PTPRT: variants seen among roughly 807,000 people sequenced by gnomAD.
PTPRT encodes the protein protein tyrosine phosphatase receptor type T.
In PTPRT, 56 loss-of-function variants were observed where a neutral mutation model predicts 176.8. The ratio of observed to expected loss-of-function variants is 0.32; its 90% confidence interval spans 0.26 to 0.40. The LOEUF is 0.40. PTPRT is among the 10% of genes least tolerant of loss of function. PTPRT has a pLI of 1.00. For missense variants in PTPRT, 1,540 were observed against 1,908.2 expected (o/e 0.81, Z 3.60); for synonymous variants, 783 against 739.0 (o/e 1.06, Z -0.96).
intron 1 of PTPRT, among the ~76,000 whole-genome samples, chr20:42,976,296 A>G (rs962338173): frequency 3.3e-5 from 5 of 152,350 alleles, no homozygotes; most frequent in Middle Eastern, 6.8e-3. Context: ...ACCTAACTGT[A>G]TAAGTTTAAT....
intron 1 of PTPRT, among the ~76,000 whole-genome samples, chr20:43,009,836 C>T (rs975292426): frequency 9.2e-5 from 14 of 152,168 alleles, no homozygotes; most frequent in African/African-American, 3.4e-4. Context: ...CTTCAGTACT[C>T]TTTATTTCAG....
Position 42,499,242 on chromosome 20 carries a change from G to A in PTPRT, c.1154-26680C>T, listed in dbSNP as rs535945970. On this transcript the variant is annotated intron_variant, in intron 7 of 30. Coordinates refer to ENST00000373187, the MANE Select transcript of PTPRT (RefSeq NM_007050.6). ...CTTTATATTTGCTTACATTTCTCTC[G>A]ACTGCAAATGGTGCCATGTACAGTC... Among the ~76,000 whole-genome samples, 32 of 151,118 alleles carry A rather than the reference G, an allele frequency of 2.1e-4. 1 individual carries two copies. The highest frequency in any genetic ancestry group is 4.6e-4 in the Admixed American group (7 of 15,198).
At chr20:43,021,714 A>C (rs206155) in intron 1 of PTPRT, among the ~76,000 whole-genome samples, 121,021 of 151,844 alleles carry the variant, frequency 0.8, 48,427 homozygotes, top group South Asian at 0.91. Context: ...AGGTGTAAAT[A>C]TTAACACCTG....
chr20:42,789,217 A>G (rs896914445), intron 3 of PTPRT, among the ~76,000 whole-genome samples: 8 of 152,228 alleles, frequency 5.3e-5, no homozygotes, highest in African/African-American at 1.9e-4. Flanking sequence ...ACATCTCACT[A>G]ATAATTGTTT....
intron 1 of PTPRT, among the ~76,000 whole-genome samples, chr20:43,161,060 T>A (rs887670184): frequency 6.6e-5 from 10 of 152,204 alleles, no homozygotes; most frequent in African/African-American, 2.2e-4. Context: ...AGCCAACTAG[T>A]GAATTTTCTA....
At chr20:42,613,580 T>C (rs187606093) in intron 7 of PTPRT, among the ~76,000 whole-genome samples, 1 of 152,312 alleles carries the variant, frequency 6.6e-6, no homozygotes, top group East Asian at 1.9e-4. Flanking sequence ...ATGATCTAAG[T>C]TGCAGATCTA....
intron 1 of PTPRT, among the ~76,000 whole-genome samples, chr20:43,048,952 C>T (rs1225543679): frequency 6.6e-6 from 1 of 152,180 alleles, no homozygotes; most frequent in Non-Finnish European, 1.5e-5. Flanking sequence ...CTCTTCCCCA[C>T]AACACCCTTG....
chr20:43,091,467 CTCTT>C (rs201070338), intron 1 of PTPRT, among the ~76,000 whole-genome samples: 6 of 137,292 alleles, frequency 4.4e-5, no homozygotes, highest in African/African-American at 1.6e-4. Flanking sequence ...TCTCCCCCCT[CTCTT>C]TCTCTCTCTC....
intron 4 of PTPRT, among the ~76,000 whole-genome samples, chr20:42,774,273 T>C (rs2077103031): frequency 6.6e-6 from 1 of 152,164 alleles, no homozygotes; most frequent in South Asian, 2.1e-4. Flanking sequence ...AAAGATTTCT[T>C]TATATAAGAA....
chr20:42,715,249 C>G (rs2076205742), intron 6 of PTPRT, among the ~76,000 whole-genome samples: 1 of 152,150 alleles, frequency 6.6e-6, no homozygotes, highest in Admixed American at 6.5e-5. Flanking sequence ...CTACAGCAAA[C>G]TATCTACCAT....
intron 6 of PTPRT, among the ~76,000 whole-genome samples, chr20:42,722,634 A>C (rs2076320826): frequency 2.6e-5 from 4 of 152,146 alleles, no homozygotes; most frequent in Admixed American, 2.0e-4. Flanking sequence ...AAGTAGGAGA[A>C]TGTCTTCATC....
intron 1 of PTPRT, among the ~76,000 whole-genome samples, chr20:43,050,075 G>T (rs997680346): frequency 6.6e-6 from 1 of 152,232 alleles, no homozygotes. Context: ...GTGCTGGGTG[G>T]CTGACCACAA....
At chr20:43,018,117 T>C (rs1259774160) in intron 1 of PTPRT, among the ~76,000 whole-genome samples, 1 of 152,238 alleles carries the variant, frequency 6.6e-6, no homozygotes, top group Non-Finnish European at 1.5e-5. Flanking sequence ...GCCCACGGGC[T>C]CACAGCTTGA....
chr20:42,084,699 A>T lies in PTPRT; in HGVS notation c.4119T>A (p.Arg1373=), dbSNP rs1229398329. The part of the protein sequence containing the change: ...WQEQYDGREG[R]TVVHCLNGGG... ...GTACTCACAGGCAGTGGACCACAGT[A>T]CGTCCCTCCCTCCCGTCATACTGCT... Residue 1373 remains arginine (R), a synonymous_variant, in exon 29 of 31, where the codon CGT becomes CGA. Transcript: ENST00000373187. 4 of 1,542,694 alleles carry T rather than the reference A, an allele frequency of 2.6e-6. No homozygotes were observed. The highest frequency in any genetic ancestry group is 3.5e-6 in the Non-Finnish European group (4 of 1,138,918).
chr20:43,086,132 A>G (rs1471468392), intron 1 of PTPRT, among the ~76,000 whole-genome samples: 1 of 152,112 alleles, frequency 6.6e-6, no homozygotes, highest in Non-Finnish European at 1.5e-5. Context: ...TCCCTCTCAA[A>G]TGATCTTTCC....
chr20:43,032,134 A>G (rs926450928), intron 1 of PTPRT, among the ~76,000 whole-genome samples: 1 of 152,076 alleles, frequency 6.6e-6, no homozygotes, highest in African/African-American at 2.4e-5. Flanking sequence ...AAGCACAGAA[A>G]CCTGAGTCCC....
At chr20:42,184,794 A>ATT (rs113419816) in intron 16 of PTPRT, among the ~76,000 whole-genome samples, 40,190 of 139,588 alleles carry the variant, frequency 0.29, 6,468 homozygotes, top group East Asian at 0.38. Flanking sequence ...CACCCGGCTA[A>ATT]TTTTTTTTTT....
At chr20:42,414,593 A>G (rs2059047987) in intron 9 of PTPRT, among the ~76,000 whole-genome samples, 1 of 152,256 alleles carries the variant, frequency 6.6e-6, no homozygotes, top group African/African-American at 2.4e-5. Flanking sequence ...CACAATGTAC[A>G]ATAAACAGAA....
intron 24 of PTPRT, 71 bp downstream of exon 24, chr20:42,106,715 C>A: frequency 6.4e-7 from 1 of 1,559,410 alleles, no homozygotes; most frequent in South Asian, 1.2e-5. Context: ...ATGTGTCTCT[C>A]CGTTCTATCA....
Sources: gnomAD v4.1 joint callset for allele counts (sites outside exome capture counted in the v4.1 genomes callset) on GRCh38, gnomAD v4.1.1 for gene constraint, MANE v1.5 for transcripts, NCBI Gene and HGNC (gene_info 2026-07-23, HGNC 2026-07-21) for gene names.